THEM6: variants seen among roughly 807,000 people sequenced by gnomAD.
THEM6 encodes thioesterase superfamily member 6.
A neutral mutation model predicts 13.7 loss-of-function variants in THEM6; 10 were observed. The observed-to-expected ratio is 0.73, with a 90% confidence interval of 0.45 to 1.24. The LOEUF (loss-of-function observed/expected upper bound fraction) is 1.24. THEM6 is among the 50% of genes most tolerant of loss of function. The pLI is 0.00. For synonymous variants in THEM6, 161 were observed against 156.0 expected (o/e 1.03, Z -0.24); for missense variants, 317 against 312.6 (o/e 1.01, Z -0.11).
chr8:142,732,365 C>T (rs1441284573), intron 1 of THEM6, among the ~76,000 whole-genome samples: 5 of 150,606 alleles, frequency 3.3e-5, no homozygotes, highest in African/African-American at 9.8e-5. Flanking sequence ...CTTGTGTTGT[C>T]CTCTCTGGTC....
intron 1 of THEM6, among the ~76,000 whole-genome samples, chr8:142,731,180 T>C (rs1480891545): frequency 6.6e-6 from 1 of 152,254 alleles, no homozygotes; most frequent in African/African-American, 2.4e-5. Flanking sequence ...AAATCTATTG[T>C]GCTTTTAACA....
In THEM6 at chr8:142,727,499, G is replaced by C; in HGVS notation, c.153G>C (p.Pro51=). ...VRDLLAEQRF[P]GRVLPSDLDL... is the part of the protein sequence containing the mutation. Reference sequence around the variant, plus strand: ...ACCTGCTAGCTGAGCAGCGCTTCCCGGGCCGCGTGCTGCCCTCGGACTTGG... The same window carrying C: ...ACCTGCTAGCTGAGCAGCGCTTCCCCGGCCGCGTGCTGCCCTCGGACTTGG... The change falls in exon 1 of 2, where the codon CCG becomes CCC. Residue 51 remains proline, a synonymous_variant. Transcript: ENST00000336138. 1 of 1,578,576 alleles carries C rather than the reference G, an allele frequency of 6.3e-7. No homozygotes were observed. Among genetic ancestry groups the C allele is most frequent in the Non-Finnish European group, 8.5e-7 (1 of 1,170,526 alleles).
At chr8:142,733,813 C>G (rs1017755627) in intron 1 of THEM6, among the ~76,000 whole-genome samples, 1 of 152,224 alleles carries the variant, frequency 6.6e-6, no homozygotes, top group Non-Finnish European at 1.5e-5. Context: ...TTTTATACAT[C>G]TCAGGGAGGC....
At chr8:142,735,053 T>C in intron 1 of THEM6, 1 of 443,704 alleles carries the variant, frequency 2.3e-6, no homozygotes, top group South Asian at 3.0e-5. Context: ...CTGGATTTCC[T>C]CTCTGCCCTT....
intron 1 of THEM6, among the ~76,000 whole-genome samples, chr8:142,732,161 A>AATAAATATATAT (rs1815658873): frequency 2.7e-5 from 1 of 37,218 alleles, no homozygotes; most frequent in South Asian, 1.2e-3. Flanking sequence ...GGGAGTTTTG[A>AATAAATATATAT]ATATATATAT....
In THEM6 at chr8:142,735,483, G is replaced by A; in HGVS notation, c.*44G>A. On this transcript the variant is annotated 3_prime_UTR_variant, in exon 2 of 2. Transcript: ENST00000336138. The stretch of plus-strand genomic sequence containing the variant: ...CTGCCCTGGCCACCATCCTGGGCCT[G>A]GGGGCTGCCCACAGATGGGCAGTCT... The A allele has an allele frequency of 2.1e-6, 3 of 1,430,498 alleles. No homozygotes were observed. Among genetic ancestry groups the A allele is most frequent in the Non-Finnish European group, 2.9e-6 (3 of 1,039,760 alleles). 88.6% of individuals were successfully genotyped at this position (1,430,498 alleles called of 1,614,324 possible). A position where few individuals can be genotyped will look rare whatever the true frequency, so the allele number is the denominator to read the frequency against.
Position 142,727,809 on chromosome 8 carries a change from C to T in THEM6, c.463C>T (p.Leu155=). The part of the protein sequence containing the change: ...VCALLRFRQH[L]LGTSPERVVQ... ...CGCGCTGCTGCGCTTCCGGCAGCACCTGCTGGGCACCTCACCCGAGCGCGT... is the reference window on the plus strand; with the variant it reads ...CGCGCTGCTGCGCTTCCGGCAGCACTTGCTGGGCACCTCACCCGAGCGCGT... Residue 155 remains leucine (L), a synonymous_variant, in exon 1 of 2, where the codon CTG becomes TTG. Coordinates refer to ENST00000336138, the MANE Select transcript of THEM6 (RefSeq NM_016647.3). 6.8e-7 allele frequency: 1 copy of T among 1,466,498 alleles called. No homozygotes were observed. The allele number at this position is 1,466,498 out of a possible 1,614,324, so 90.8% of individuals were successfully genotyped here.
chr8:142,727,727 C>A lies in THEM6; in HGVS notation c.381C>A (p.Asp127Glu). The change falls in exon 1 of 2, where the codon GAC becomes GAA. Residue 127 changes from aspartate (D) to glutamate (E), a missense_variant. Asp to Glu is a conservative substitution (Grantham distance 45, BLOSUM62 2). Coordinates refer to ENST00000336138, the MANE Select transcript of THEM6 (RefSeq NM_016647.3). The stretch of plus-strand genomic sequence containing the variant: ...TGCGCACCCGCCTGCTGGGCTGGGA[C>A]GACCGCGCGTTCTACCTGGAGGCGC... ...FEVRTRLLGW[D>E]DRAFYLEARF... The A allele has an allele frequency of 1.4e-6, 2 of 1,438,576 alleles. No individual in the cohort carries two copies. The highest frequency in any genetic ancestry group is 1.4e-5 in the South Asian group (1 of 69,888). 89.1% of individuals were successfully genotyped at this position (1,438,576 alleles called of 1,614,324 possible).
intron 1 of THEM6, among the ~76,000 whole-genome samples, chr8:142,733,119 C>T (rs1035857956): frequency 5.9e-5 from 9 of 152,150 alleles, no homozygotes; most frequent in African/African-American, 2.2e-4. Flanking sequence ...CTGTATCTGT[C>T]CCGATTGGCT....
chr8:142,734,725 T>C (rs1293239850), intron 1 of THEM6: 1 of 154,470 alleles, frequency 6.5e-6, no homozygotes, highest in Non-Finnish European at 1.4e-5. Flanking sequence ...AGCACCTCTG[T>C]GTGCTGCTCA....
chr8:142,727,880 G>T, intron 1 of THEM6, 21 bp downstream of exon 1: 1 of 1,388,556 alleles, frequency 7.2e-7, no homozygotes, highest in Admixed American at 3.6e-5. Context: ...CCCGCCCCTG[G>T]CCCCGGAGCA....
At chr8:142,731,649 T>C (rs1815648463) in intron 1 of THEM6, among the ~76,000 whole-genome samples, 2 of 152,214 alleles carry the variant, frequency 1.3e-5, no homozygotes, top group African/African-American at 4.8e-5. Flanking sequence ...TTAATCTCTT[T>C]CTGTCTCTTC....
At chr8:142,728,201 C>T (rs1587580045) in intron 1 of THEM6, among the ~76,000 whole-genome samples, 1 of 152,208 alleles carries the variant, frequency 6.6e-6, no homozygotes, top group Admixed American at 6.5e-5. Context: ...GTGTTGACCT[C>T]TCTGGTCCTT....
chr8:142,731,210 G>A (rs1815640232), intron 1 of THEM6, among the ~76,000 whole-genome samples: 1 of 152,170 alleles, frequency 6.6e-6, no homozygotes, highest in African/African-American at 2.4e-5. Flanking sequence ...CAGAAAAACT[G>A]CATGATACCC....
In THEM6 at chr8:142,735,678, G is replaced by A; in HGVS notation, c.*239G>A. ...CAGCTCTGCCCTCAAGGTGGGGATG[G>A]ATGGGCAAAGGAGAGTCCTGCCTGG... On this transcript the variant is annotated 3_prime_UTR_variant, in exon 2 of 2. Transcript: ENST00000336138. 1 of 535,572 alleles carries A rather than the reference G, an allele frequency of 1.9e-6. No homozygotes were observed. Among genetic ancestry groups the A allele is most frequent in the Non-Finnish European group, 3.4e-6 (1 of 294,162 alleles). The allele number at this position is 535,572 out of a possible 1,614,324, so 33.2% of individuals were successfully genotyped here.
chr8:142,733,430 G>T (rs1815694563), intron 1 of THEM6, among the ~76,000 whole-genome samples: 1 of 152,176 alleles, frequency 6.6e-6, no homozygotes, highest in Non-Finnish European at 1.5e-5. Flanking sequence ...TTCCTAATTA[G>T]ATCGGTAGGA....
rs1334524247 is a variant in THEM6, at chr8:142,735,302, G to A, written c.514-24G>A. The A allele has an allele frequency of 3.3e-6, 5 of 1,523,158 alleles. No individual in the cohort carries two copies. In the Admixed American group the frequency reaches 9.8e-5, roughly 30 times the overall value. The allele number at this position is 1,523,158 out of a possible 1,614,324, so 94.4% of individuals were successfully genotyped here. ...GGTGGGAAGGCCGTAGCTTAGCTGG[G>A]TGTCCCCTTTCTGTCCTCTGCAGGT... On this transcript the variant is annotated intron_variant, in intron 1 of 1. Transcript: ENST00000336138.
chr8:142,733,724 T>A (rs1172215559), intron 1 of THEM6, among the ~76,000 whole-genome samples: 1 of 152,206 alleles, frequency 6.6e-6, no homozygotes, highest in Non-Finnish European at 1.5e-5. Flanking sequence ...CTCAGTCAAT[T>A]TAGAAAGTTT....
At chr8:142,733,860 A>T (rs983362976) in intron 1 of THEM6, among the ~76,000 whole-genome samples, 1 of 152,190 alleles carries the variant, frequency 6.6e-6, no homozygotes, top group African/African-American at 2.4e-5. Context: ...ATTCACATTG[A>T]TGCCATCTGG....
Sources: allele counts gnomAD v4.1 joint callset (sites outside exome capture counted in the v4.1 genomes callset), GRCh38; gene constraint gnomAD v4.1.1; transcripts MANE v1.5; gene names NCBI Gene and HGNC (gene_info 2026-07-23, HGNC 2026-07-21).